The following MED4 variants were observed in gnomAD, a reference collection of about 807,000 sequenced individuals.
MED4 encodes mediator complex subunit 4.
MED4 carries 21 observed loss-of-function variants against 35.0 expected under a neutral mutation model. The ratio of observed to expected loss-of-function variants is 0.60; its 90% CI spans 0.43 to 0.86. The LOEUF is 0.86. Ranked by LOEUF, MED4 falls within the 40% of genes least tolerant of loss-of-function variation. The pLI, the probability that MED4 is intolerant of heterozygous loss-of-function variation, is 0.00. For synonymous variants in MED4, 138 were observed against 114.0 expected, an observed-to-expected ratio of 1.21 and a Z score of -1.34; for missense variants, 300 against 319.4, an observed-to-expected ratio of 0.94 and a Z score of 0.46.
At chr13:48,081,530 T>C (rs1426628830) in intron 5 of MED4, 115 bp downstream of exon 5, 1 of 565,866 alleles carries the variant, frequency 1.8e-6, no homozygotes, top group African/African-American at 2.0e-5. Flanking sequence ...TGTGAAAATA[T>C]GTGGCAGAGG....
chr13:48,082,230 C>T (rs543982734), intron 4 of MED4, among the ~76,000 whole-genome samples: 10 of 151,862 alleles, frequency 6.6e-5, no homozygotes, highest in African/African-American at 2.2e-4. Context: ...CGGTATGACC[C>T]GACTGTTCAA....
At chr13:48,093,363 A>C (rs1566121612) in intron 1 of MED4, among the ~76,000 whole-genome samples, 1 of 152,220 alleles carries the variant, frequency 6.6e-6, no homozygotes, top group Admixed American at 6.5e-5. Context: ...AAGGCTATAT[A>C]ATCAGGTTAA....
Position 48,094,994 on chromosome 13 carries a change from GCTCTCGTGTGCTGTTACCACCCGCCA to G in MED4, c.59_84del (p.Val20AlafsTer7), listed in dbSNP as rs1566122286. 1 of 1,603,740 alleles carries G rather than the reference GCTCTCGTGTGCTGTTACCACCCGCCA, an allele frequency of 6.2e-7. No homozygotes were observed. The highest frequency in any genetic ancestry group is 8.5e-7 in the Non-Finnish European group (1 of 1,179,828). On this transcript the variant is annotated frameshift_variant, in exon 1 of 7. Coordinates refer to ENST00000258648, the MANE Select transcript of MED4 (RefSeq NM_014166.4). LOFTEE classifies it high-confidence loss of function. Reference sequence around the variant, plus strand: ...AAGTCCTCAAGCGCAGACAGCAGCCGCTCTCGTGTGCTGTTACCACCCGCCACTCCCAAACCGCCTCCCAGCCGCTC... The same window carrying G: ...AAGTCCTCAAGCGCAGACAGCAGCCGCTCCCAAACCGCCTCCCAGCCGCTC...
intron 6 of MED4, 27 bp from the exon 7 acceptor site, chr13:48,077,338 G>C: frequency 2.1e-6 from 3 of 1,426,466 alleles, no homozygotes; most frequent in East Asian, 2.7e-5. Flanking sequence ...GCATAGATAA[G>C]AACAGCTCTA....
intron 2 of MED4, among the ~76,000 whole-genome samples, chr13:48,089,181 CT>C (rs1566120254): frequency 2.9e-4 from 1 of 3,482 alleles, no homozygotes; most frequent in Non-Finnish European, 5.6e-4. Context: ...TAGCCTCTTT[CT>C]TTTTTGAAAA....
At chr13:48,094,003 G>A (rs1313137224) in intron 1 of MED4, among the ~76,000 whole-genome samples, 1 of 152,328 alleles carries the variant, frequency 6.6e-6, no homozygotes, top group East Asian at 1.9e-4. Context: ...TGGCACTGAA[G>A]ATGTGGAAGT....
At chr13:48,089,377 TCTC>T (rs2137838961) in intron 2 of MED4, among the ~76,000 whole-genome samples, 1 of 152,310 alleles carries the variant, frequency 6.6e-6, no homozygotes, top group East Asian at 1.9e-4. Flanking sequence ...TTTATTACTG[TCTC>T]CTCTTCTCCT....
chr13:48,081,613 T>C, intron 5 of MED4, 32 bp downstream of exon 5: 2 of 1,492,542 alleles, frequency 1.3e-6, no homozygotes, highest in Non-Finnish European at 1.8e-6. Context: ...CAAAACCACA[T>C]ATATCTAGTA....
At chr13:48,080,050 A>G in intron 5 of MED4, 75 bp from the exon 6 acceptor site, 1 of 1,500,500 alleles carries the variant, frequency 6.7e-7, no homozygotes, top group African/African-American at 1.4e-5. Context: ...TGACATACTC[A>G]TTTTCGCTGG....
rs1251049346 is a variant in MED4 at position 48,076,833 on chromosome 13, G to C, written c.*306C>G. 1.4e-5 allele frequency: 3 copies of C among 214,414 alleles called. No individual in the cohort carries two copies. Among genetic ancestry groups the C allele is most frequent in the East Asian group, 1.1e-4 (1 of 9,200 alleles). 13.3% of individuals were successfully genotyped at this position (214,414 alleles called of 1,614,324 possible). A position where few individuals can be genotyped will look rare whatever the true frequency, so the allele number is the denominator to read the frequency against. On this transcript the variant is annotated 3_prime_UTR_variant, in exon 7 of 7. Transcript: ENST00000258648. ...ATAATTTCCCTCAACTCTATTTCTA[G>C]AATGGCTATGTACAAATCCAGCAAA...
intron 3 of MED4, among the ~76,000 whole-genome samples, 179 bp downstream of exon 3, chr13:48,086,103 G>A (rs538678447): frequency 6.6e-6 from 1 of 152,222 alleles, no homozygotes; most frequent in East Asian, 1.9e-4. Flanking sequence ...AAAACAGTAA[G>A]TAAAAAAGAG....
At chr13:48,085,248 T>C (rs1950840869) in intron 3 of MED4, among the ~76,000 whole-genome samples, 1 of 150,532 alleles carries the variant, frequency 6.6e-6, no homozygotes, top group Non-Finnish European at 1.5e-5. Context: ...CTCAGCTCAC[T>C]GCAACCTATG....
intron 3 of MED4, among the ~76,000 whole-genome samples, chr13:48,084,409 C>T (rs998424512): frequency 6.6e-6 from 1 of 151,946 alleles, no homozygotes; most frequent in African/African-American, 2.4e-5. Flanking sequence ...TTGATATAAA[C>T]TGTTAGGAAG....
intron 1 of MED4, chr13:48,093,598 C>G (rs1354578860): frequency 4.3e-6 from 2 of 470,104 alleles, no homozygotes; most frequent in South Asian, 3.1e-5. Flanking sequence ...ACCACCAGAG[C>G]AGCTTCATTC....
In MED4 at chr13:48,077,298, T is replaced by C. The variant is rs149749881; in HGVS notation, c.654A>G (p.Pro218=). The C allele has an allele frequency of 2.3e-5, 34 of 1,505,278 alleles. No homozygotes were observed. The African/African-American group carries it at 3.8e-4, about 17-fold the overall frequency. 93.2% of individuals were successfully genotyped at this position (1,505,278 alleles called of 1,614,324 possible). ...AAGRLPDVLA[P]QYPWQSNDMS... is the part of the protein sequence containing the mutation. The stretch of plus-strand genomic sequence containing the variant: ...TGTCATTTGACTGCCATGGATACTG[T>C]GGAGCAAGGACATCTGGAGAAAAAA... The change falls in exon 7 of 7, where the codon CCA becomes CCG. Residue 218 remains proline (P), a synonymous_variant. Coordinates refer to ENST00000258648, the MANE Select transcript of MED4 (RefSeq NM_014166.4).
chr13:48,080,319 C>A (rs9534949), intron 5 of MED4, among the ~76,000 whole-genome samples: 1 of 148,910 alleles, frequency 6.7e-6, no homozygotes, highest in Non-Finnish European at 1.5e-5. Context: ...ATCGCTTGAA[C>A]CCGGGAGGCA....
intron 1 of MED4, among the ~76,000 whole-genome samples, chr13:48,092,201 G>A (rs1382944182): frequency 1.3e-5 from 2 of 152,082 alleles, no homozygotes; most frequent in Non-Finnish European, 2.9e-5. Flanking sequence ...TCCACCTCCC[G>A]GGTTCAAAGA....
intron 1 of MED4, among the ~76,000 whole-genome samples, chr13:48,093,389 C>T (rs1950903502): frequency 6.6e-6 from 1 of 152,090 alleles, no homozygotes; most frequent in African/African-American, 2.4e-5. Flanking sequence ...AAAAAAAGAT[C>T]CTAAGTTATA....
chr13:48,081,929 A>C (rs1014670002), intron 4 of MED4, among the ~76,000 whole-genome samples, 198 bp from the exon 5 acceptor site: 3 of 152,214 alleles, frequency 2.0e-5, no homozygotes, highest in African/African-American at 7.2e-5. Flanking sequence ...AATCCAGAAA[A>C]ATTAGCTGAC....
Sources: allele counts gnomAD v4.1 joint callset (sites outside exome capture counted in the v4.1 genomes callset), GRCh38; gene constraint gnomAD v4.1.1; transcripts MANE v1.5; gene names NCBI Gene and HGNC (gene_info 2026-07-23, HGNC 2026-07-21).